The following NTM variants were observed in gnomAD, a reference collection of about 807,000 sequenced individuals.
NTM encodes neurotrimin, also known as IgLON family member 2.
A neutral mutation model predicts 42.1 loss-of-function variants in NTM; 13 were observed. The observed-to-expected ratio is 0.31, with a 90% CI of 0.20 to 0.49. NTM has a LOEUF of 0.49. Among genes scored for constraint, NTM ranks in the 20% least tolerant of loss-of-function variants. NTM has a pLI of 0.99. For missense variants in NTM, 373 were observed against 452.8 expected (o/e 0.82, Z 1.60); for synonymous variants, 187 against 179.2 (o/e 1.04, Z -0.35).
At chr11:131,448,664 C>A (rs562970543) in intron 1 of NTM, among the ~76,000 whole-genome samples, 1 of 152,198 alleles carries the variant, frequency 6.6e-6, no homozygotes, top group Admixed American at 6.5e-5. Context: ...CCAGAGACAC[C>A]GACCCTGTCC....
intron 1 of NTM, among the ~76,000 whole-genome samples, chr11:131,701,960 G>C (rs2076118254): frequency 6.6e-6 from 1 of 152,208 alleles, no homozygotes; most frequent in Admixed American, 6.5e-5. Flanking sequence ...TTCTGAGCTT[G>C]AGGCCCTATG....
intron 2 of NTM, among the ~76,000 whole-genome samples, chr11:131,933,032 T>C (rs947607334): frequency 1.3e-5 from 2 of 152,236 alleles, no homozygotes; most frequent in South Asian, 2.1e-4. Context: ...AAATGTCAGC[T>C]TTTCTCTCAG....
intron 1 of NTM, among the ~76,000 whole-genome samples, chr11:131,524,979 C>T (rs186000039): frequency 6.6e-6 from 1 of 151,998 alleles, no homozygotes; most frequent in African/African-American, 2.4e-5. Flanking sequence ...ACACAGGAAA[C>T]CTGGTACAGG....
intron 1 of NTM, among the ~76,000 whole-genome samples, chr11:131,464,924 A>T (rs1951749328): frequency 1.3e-5 from 2 of 152,182 alleles, no homozygotes; most frequent in South Asian, 4.1e-4. Context: ...TTTCATTTTG[A>T]CTCCATGTTT....
chr11:131,632,797 C>G (rs2137795769), intron 1 of NTM, among the ~76,000 whole-genome samples: 1 of 149,728 alleles, frequency 6.7e-6, no homozygotes, highest in Non-Finnish European at 1.5e-5. Context: ...GCCTCAGCCT[C>G]CCGTGTAGCT....
At chr11:132,225,950 A>C (rs1450757866) in intron 4 of NTM, among the ~76,000 whole-genome samples, 1 of 152,010 alleles carries the variant, frequency 6.6e-6, no homozygotes, top group Non-Finnish European at 1.5e-5. Context: ...CTTATGAGTG[A>C]GAACATGTGG....
chr11:131,728,944 G>A (rs1431095317), intron 1 of NTM, among the ~76,000 whole-genome samples: 1 of 152,144 alleles, frequency 6.6e-6, no homozygotes, highest in Non-Finnish European at 1.5e-5. Context: ...AGGAAACAGG[G>A]TTGAAGACCA....
chr11:131,817,550 C>T (rs1224191747), intron 1 of NTM, among the ~76,000 whole-genome samples: 2 of 152,214 alleles, frequency 1.3e-5, no homozygotes, highest in African/African-American at 4.8e-5. Flanking sequence ...CTGCTATCAT[C>T]CCTTAGCCAA....
At chr11:131,733,400 C>T (rs1254313870) in intron 1 of NTM, among the ~76,000 whole-genome samples, 5 of 152,114 alleles carry the variant, frequency 3.3e-5, no homozygotes, top group Non-Finnish European at 7.3e-5. Flanking sequence ...CATTTAACAT[C>T]ATGACATTTT....
chr11:131,484,544 G>C (rs551385261), intron 1 of NTM, among the ~76,000 whole-genome samples: 10 of 152,294 alleles, frequency 6.6e-5, no homozygotes, highest in Non-Finnish European at 1.5e-4. Flanking sequence ...AAGGGGCAGA[G>C]GTGAAGAGAG....
chr11:131,697,320 C>A (rs1007716946), intron 1 of NTM, among the ~76,000 whole-genome samples: 3 of 152,232 alleles, frequency 2.0e-5, no homozygotes, highest in Admixed American at 1.3e-4. Flanking sequence ...AAGTGTGGGG[C>A]AATTTTGAAA....
intron 1 of NTM, among the ~76,000 whole-genome samples, chr11:131,494,888 TTCTC>T (rs1322093197): frequency 1.3e-5 from 2 of 152,178 alleles, no homozygotes; most frequent in Non-Finnish European, 2.9e-5. Context: ...GGAAATCACT[TTCTC>T]TCTCCCTCTC....
chr11:131,830,969 C>T (rs1317761375), intron 1 of NTM, among the ~76,000 whole-genome samples: 3 of 152,154 alleles, frequency 2.0e-5, no homozygotes, highest in Non-Finnish European at 4.4e-5. Context: ...ACTTGGCTCT[C>T]AGCTTGAAAG....
rs146004972 is a variant in NTM, at chr11:131,731,796, C to T, written c.83-179768C>T. Among the ~76,000 whole-genome samples the T allele has an allele frequency of 1.8e-3, 272 of 152,294 alleles. 1 individual carries two copies. Among genetic ancestry groups the T allele is most frequent in the African/African-American group, 6.3e-3 (262 of 41,564 alleles). On this transcript the variant is annotated intron_variant, in intron 1 of 8. Coordinates refer to ENST00000683400, the MANE Select transcript of NTM (RefSeq NM_001352005.2). Reference sequence around the variant, plus strand: ...TTTACAGGAGAAAGGGCCTCCTCAGCGCAGTCTCAGAGATGGAGAATCTCC... The same window carrying T: ...TTTACAGGAGAAAGGGCCTCCTCAGTGCAGTCTCAGAGATGGAGAATCTCC...
chr11:131,943,139 C>T (rs1424231136), intron 2 of NTM, among the ~76,000 whole-genome samples: 21 of 152,166 alleles, frequency 1.4e-4, no homozygotes, highest in Admixed American at 1.4e-3. Flanking sequence ...CTCACCTCCC[C>T]TTTCCACCAT....
At chr11:132,308,116 A>T (rs1203423660) in intron 5 of NTM, among the ~76,000 whole-genome samples, 1 of 152,204 alleles carries the variant, frequency 6.6e-6, no homozygotes, top group Non-Finnish European at 1.5e-5. Context: ...TAATTTTTTA[A>T]ACACGTCTTC....
intron 5 of NTM, among the ~76,000 whole-genome samples, chr11:132,309,071 C>T (rs555818100): frequency 3.3e-5 from 5 of 152,304 alleles, no homozygotes; most frequent in African/African-American, 4.8e-5. Flanking sequence ...CACTGCTTTT[C>T]GTGGTACTGA....
intron 2 of NTM, among the ~76,000 whole-genome samples, chr11:132,073,145 C>G (rs2057921490): frequency 1.3e-5 from 2 of 152,234 alleles, no homozygotes; most frequent in East Asian, 1.9e-4. Context: ...TGGCAGTTCT[C>G]TAGGCTAAGG....
chr11:132,325,219 C>G (rs1157422107), intron 7 of NTM, among the ~76,000 whole-genome samples: 3 of 151,664 alleles, frequency 2.0e-5, no homozygotes, highest in Non-Finnish European at 3.0e-5. Flanking sequence ...AAACTACCAT[C>G]AGAGTGAACA....
Sources: allele counts gnomAD v4.1 joint callset (sites outside exome capture counted in the v4.1 genomes callset), GRCh38; gene constraint gnomAD v4.1.1; transcripts MANE v1.5; gene names NCBI Gene and HGNC (gene_info 2026-07-23, HGNC 2026-07-21).